Variants in RBFOX1 observed in about 807,000 individuals in gnomAD.
RBFOX1 encodes the protein RNA binding protein fox-1 homolog 1.
In RBFOX1, 8 loss-of-function variants were observed where a neutral mutation model predicts 57.7. The observed-to-expected ratio is 0.14, with a 90% CI of 0.08 to 0.25. The LOEUF (loss-of-function observed/expected upper bound fraction) is 0.25. Ranked by LOEUF, RBFOX1 falls within the 10% of genes least tolerant of loss-of-function variation. The pLI is 1.00. For synonymous variants in RBFOX1, 326 were observed against 222.4 expected (o/e 1.47, Z -4.15); for missense variants, 611 against 548.5 (o/e 1.11, Z -1.14).
intron 4 of RBFOX1, among the ~76,000 whole-genome samples, chr16:7,500,622 A>T (rs555357088): frequency 6.6e-6 from 1 of 152,196 alleles, no homozygotes; most frequent in Admixed American, 6.5e-5. Context: ...ATATCACTAG[A>T]TATGATTTGG....
chr16:7,489,152 C>T (rs2066244263), intron 4 of RBFOX1, among the ~76,000 whole-genome samples: 1 of 152,134 alleles, frequency 6.6e-6, no homozygotes, highest in South Asian at 2.1e-4. Flanking sequence ...CTCTGTCTGT[C>T]TCTGTTTCAC....
chr16:7,315,404 A>G (rs995106340), intron 4 of RBFOX1, among the ~76,000 whole-genome samples: 2 of 151,878 alleles, frequency 1.3e-5, no homozygotes, highest in African/African-American at 2.4e-5. Context: ...TCTGAAGTGA[A>G]TACATGAAGG....
At chr16:6,562,554 G>A (rs147518781) in intron 2 of RBFOX1, among the ~76,000 whole-genome samples, 67 of 152,272 alleles carry the variant, frequency 4.4e-4, no homozygotes, top group African/African-American at 1.6e-3. Flanking sequence ...ATGAAGACAC[G>A]ATGTGTGTAA....
At chr16:6,619,626 T>C (rs2098196770) in intron 2 of RBFOX1, among the ~76,000 whole-genome samples, 1 of 151,350 alleles carries the variant, frequency 6.6e-6, no homozygotes, top group Admixed American at 6.6e-5. Context: ...TTGGTGTGCG[T>C]AAACCTGTGC....
At chr16:6,082,073 T>C (rs533427785) in intron 1 of RBFOX1, among the ~76,000 whole-genome samples, 1 of 152,296 alleles carries the variant, frequency 6.6e-6, no homozygotes, top group East Asian at 1.9e-4. Flanking sequence ...TGTCTGTGTC[T>C]GTATAATGAG....
intron 2 of RBFOX1, among the ~76,000 whole-genome samples, chr16:6,610,191 T>C (rs1050506423): frequency 3.3e-5 from 5 of 152,170 alleles, no homozygotes; most frequent in African/African-American, 9.7e-5. Flanking sequence ...GACTAAATTA[T>C]CATTCTGCTG....
In RBFOX1 at chr16:6,487,966, G is replaced by A. The variant is rs1268525503; in HGVS notation, c.-63-166637G>A. On this transcript the variant is annotated intron_variant, in intron 2 of 15. Coordinates refer to ENST00000550418, the MANE Select transcript of RBFOX1 (RefSeq NM_018723.4). ...TTCGTTAAGTTTTCTAACCTGGTTT[G>A]AATTAACTTGTTCACACAAAGAGTG... Among the ~76,000 whole-genome samples, 5 of 151,878 alleles carry A rather than the reference G, an allele frequency of 3.3e-5. No homozygotes were observed. The South Asian group carries it at 1.0e-3, about 32-fold the overall frequency.
chr16:6,103,717 T>G (rs2096342958), intron 1 of RBFOX1, among the ~76,000 whole-genome samples: 1 of 151,722 alleles, frequency 6.6e-6, no homozygotes, highest in Admixed American at 6.6e-5. Context: ...AAGTCTGGAG[T>G]GGACATTCCT....
chr16:6,950,643 C>A (rs1040416729), intron 3 of RBFOX1, among the ~76,000 whole-genome samples: 1 of 152,042 alleles, frequency 6.6e-6, no homozygotes, highest in Non-Finnish European at 1.5e-5. Context: ...AGCTCTAAAT[C>A]TCTCTCAAGG....
chr16:7,371,384 C>G (rs1425098105), intron 4 of RBFOX1, among the ~76,000 whole-genome samples: 1 of 152,162 alleles, frequency 6.6e-6, no homozygotes, highest in Non-Finnish European at 1.5e-5. Flanking sequence ...ATCTCCAAAT[C>G]TTGGATCTTA....
At chr16:5,942,722 G>A (rs1299767037) in intron 4 of RBFOX1, among the ~76,000 whole-genome samples, 2 of 152,154 alleles carry the variant, frequency 1.3e-5, no homozygotes, top group South Asian at 4.1e-4. Flanking sequence ...ACAACCAAGG[G>A]TAGTTTGTAG....
chr16:6,659,876 C>G (rs1353936004), intron 3 of RBFOX1, among the ~76,000 whole-genome samples: 2 of 152,070 alleles, frequency 1.3e-5, no homozygotes, highest in Admixed American at 1.3e-4. Flanking sequence ...AGACCTGATT[C>G]GGTTCCTAGG....
At chr16:5,904,699 C>G (rs540670725) in intron 4 of RBFOX1, among the ~76,000 whole-genome samples, 1 of 151,834 alleles carries the variant, frequency 6.6e-6, no homozygotes, top group Non-Finnish European at 1.5e-5. Context: ...TCAGATGGGC[C>G]GGGCACAGTG....
chr16:6,857,350 T>A (rs189685782), intron 3 of RBFOX1, among the ~76,000 whole-genome samples: 1 of 152,278 alleles, frequency 6.6e-6, no homozygotes, highest in East Asian at 1.9e-4. Flanking sequence ...GGGTAGCATC[T>A]AAGTGCTCAC....
chr16:5,643,559 A>T (rs2048950057), intron 3 of RBFOX1, among the ~76,000 whole-genome samples: 1 of 152,166 alleles, frequency 6.6e-6, no homozygotes, highest in Admixed American at 6.5e-5. Context: ...AGGGTGGTGA[A>T]TGCTTCATGA....
intron 3 of RBFOX1, among the ~76,000 whole-genome samples, chr16:6,810,463 A>C (rs1384409688): frequency 6.6e-6 from 1 of 152,092 alleles, no homozygotes; most frequent in East Asian, 1.9e-4. Flanking sequence ...AAAGGTATCT[A>C]ATTTTCCGTT....
At chr16:6,684,607 G>C (rs2059154027) in intron 3 of RBFOX1, among the ~76,000 whole-genome samples, 1 of 152,130 alleles carries the variant, frequency 6.6e-6, no homozygotes, top group African/African-American at 2.4e-5. Flanking sequence ...CTGATTCTGT[G>C]AGTGAGATGA....
At chr16:5,794,286 C>T (rs532603142) in intron 3 of RBFOX1, among the ~76,000 whole-genome samples, 14 of 151,544 alleles carry the variant, frequency 9.2e-5, no homozygotes, top group African/African-American at 3.4e-4. Flanking sequence ...TGTTTCCCTC[C>T]TTCACCTTCC....
intron 3 of RBFOX1, among the ~76,000 whole-genome samples, chr16:6,757,540 C>A (rs1021174839): frequency 6.6e-6 from 1 of 152,066 alleles, no homozygotes; most frequent in African/African-American, 2.4e-5. Context: ...CTGAAATAAG[C>A]TGAGCACAGA....
Sources: gnomAD v4.1 joint callset for allele counts (sites outside exome capture counted in the v4.1 genomes callset) on GRCh38, gnomAD v4.1.1 for gene constraint, MANE v1.5 for transcripts, NCBI Gene and HGNC (gene_info 2026-07-23, HGNC 2026-07-21) for gene names.